The following ADAM9 variants were observed in gnomAD, a reference collection of about 807,000 sequenced individuals.
ADAM9 encodes disintegrin and metalloproteinase domain-containing protein 9.
A neutral mutation model predicts 108.1 loss-of-function variants in ADAM9; 54 were observed. The ratio of observed to expected loss-of-function variants is 0.50; its 90% confidence interval spans 0.40 to 0.63. The LOEUF is 0.63. Among genes scored for constraint, ADAM9 ranks in the 20% least tolerant of loss-of-function variants. The pLI is 0.00. For missense variants in ADAM9, 830 were observed against 997.7 expected (o/e 0.83, Z 2.26); for synonymous variants, 316 against 336.0 (o/e 0.94, Z 0.65).
At chr8:39,009,943 A>AAACAAC (rs370366463) in intron 2 of ADAM9, among the ~76,000 whole-genome samples, 79,786 of 105,920 alleles carry the variant, frequency 0.75, 30,639 homozygotes, top group East Asian at 0.94. Context: ...ACAAAAACAA[A>AAACAAC]AACAACAACA....
At chr8:39,101,513 C>G (rs1346487489) in intron 20 of ADAM9, among the ~76,000 whole-genome samples, 1 of 152,172 alleles carries the variant, frequency 6.6e-6, no homozygotes. Flanking sequence ...AGAGTAACAC[C>G]TTTGCTTTCT....
In ADAM9 at chr8:39,071,450, C is replaced by T. The variant is rs73602772; in HGVS notation, c.1697+47C>T. The stretch of plus-strand genomic sequence containing the variant: ...ATGGAATATGAAAGATTATAAGATC[C>T]GTCATCTCTAGTATCTTTTTTTTTT... On this transcript the variant is annotated intron_variant, in intron 15 of 21. Coordinates refer to ENST00000487273, the MANE Select transcript of ADAM9 (RefSeq NM_003816.3). 8.1e-4 allele frequency: 1,049 copies of T among 1,296,590 alleles called. 8 individuals carry two copies. The African/African-American group carries it at 0.014, about 17-fold the overall frequency. The allele number at this position is 1,296,590 out of a possible 1,614,324, so 80.3% of individuals were successfully genotyped here. A position where few individuals can be genotyped will look rare whatever the true frequency, so the allele number is the denominator to read the frequency against.
intron 1 of ADAM9, among the ~76,000 whole-genome samples, chr8:38,997,510 G>A (rs1835857703): frequency 6.6e-6 from 1 of 152,204 alleles, no homozygotes; most frequent in Non-Finnish European, 1.5e-5. Flanking sequence ...GCGGGCCGGA[G>A]CCCTGCAGGC....
At chr8:39,070,355 TC>T (rs1454271954) in intron 14 of ADAM9, among the ~76,000 whole-genome samples, 1 of 152,120 alleles carries the variant, frequency 6.6e-6, no homozygotes, top group East Asian at 1.9e-4. Context: ...TGGATAAATT[TC>T]CAGAAGCAGG....
chr8:39,078,362 C>A (rs201825634), intron 16 of ADAM9, among the ~76,000 whole-genome samples: 114 of 132,116 alleles, frequency 8.6e-4, no homozygotes, highest in East Asian at 1.7e-3. Flanking sequence ...GACTCTGTCT[C>A]AAAAAAAAAA....
intron 7 of ADAM9, 68 bp downstream of exon 7, chr8:39,018,986 A>G (rs1163564364): frequency 1.5e-6 from 2 of 1,350,490 alleles, no homozygotes; most frequent in Non-Finnish European, 1.1e-6. Flanking sequence ...TTAATGAAGG[A>G]AATCTAAACT....
chr8:39,056,452 T>C (rs1366764806), intron 14 of ADAM9, among the ~76,000 whole-genome samples: 1 of 152,152 alleles, frequency 6.6e-6, no homozygotes, highest in Non-Finnish European at 1.5e-5. Flanking sequence ...AATTTCTCAC[T>C]ATAGAAGATG....
intron 14 of ADAM9, among the ~76,000 whole-genome samples, chr8:39,060,238 A>C (rs779382261): frequency 1.3e-5 from 2 of 152,218 alleles, no homozygotes. Context: ...CCTGCACTGC[A>C]CCTGACCTAT....
chr8:39,103,726 G>A lies in ADAM9; in HGVS notation c.*26G>A. On this transcript the variant is annotated 3_prime_UTR_variant, in exon 22 of 22. Coordinates refer to ENST00000487273, the MANE Select transcript of ADAM9 (RefSeq NM_003816.3). ...TTTTTTTAACCTTCTTTTTGCAAATGTCTTCAGGGAACTGAGCTAATACTT... is the reference window on the plus strand; with the variant it reads ...TTTTTTTAACCTTCTTTTTGCAAATATCTTCAGGGAACTGAGCTAATACTT... 1 of 1,595,708 alleles carries A rather than the reference G, an allele frequency of 6.3e-7. No individual in the cohort carries two copies.
chr8:39,088,558 G>A (rs115068607), intron 18 of ADAM9, among the ~76,000 whole-genome samples: 6,241 of 152,062 alleles, frequency 0.041, 441 homozygotes, highest in African/African-American at 0.14. Flanking sequence ...CGCCCGGCCA[G>A]TTTTATACAA....
rs1315393112 is a variant in ADAM9 at position 39,104,871 on chromosome 8, AC to A, written c.*1173del. The A allele has an allele frequency of 6.8e-6, 3 of 442,280 alleles. No individual in the cohort carries two copies. The East Asian group carries it at 2.1e-4, about 31-fold the overall frequency. 27.4% of individuals were successfully genotyped at this position (442,280 alleles called of 1,614,324 possible). On this transcript the variant is annotated 3_prime_UTR_variant, in exon 22 of 22. Transcript: ENST00000487273. Reference sequence around the variant, plus strand: ...TTTAAGCACTAAAAATTTTTTCATAACCTTTCATAATAAAGTTTAATAATAG... The same window carrying A: ...TTTAAGCACTAAAAATTTTTTCATAACTTTCATAATAAAGTTTAATAATAG...
intron 20 of ADAM9, among the ~76,000 whole-genome samples, chr8:39,096,998 T>C (rs1201737415): frequency 2.6e-5 from 4 of 152,306 alleles, no homozygotes; most frequent in Admixed American, 1.3e-4. Context: ...TCTGTTTCCT[T>C]AGGGTCAGTT....
chr8:39,022,159 G>T (rs1406414678), intron 8 of ADAM9, among the ~76,000 whole-genome samples: 1 of 151,768 alleles, frequency 6.6e-6, no homozygotes, highest in Non-Finnish European at 1.5e-5. Context: ...AGTTCATCCG[G>T]TGGGAGATAT....
At chr8:39,058,699 A>G (rs908791757) in intron 14 of ADAM9, among the ~76,000 whole-genome samples, 1 of 152,150 alleles carries the variant, frequency 6.6e-6, no homozygotes, top group African/African-American at 2.4e-5. Context: ...CTTAATTTCT[A>G]GTTCAGTAGA....
intron 14 of ADAM9, among the ~76,000 whole-genome samples, chr8:39,068,675 C>CAAAAAAAAAAAAA (rs562274321): frequency 1.4e-4 from 6 of 42,010 alleles, no homozygotes; most frequent in Non-Finnish European, 2.8e-4. Context: ...AACTTCTCCT[C>CAAAAAAAAAAAAA]AAAAAAAAAA....
chr8:39,099,054 T>A (rs1465680182), intron 20 of ADAM9, among the ~76,000 whole-genome samples: 1 of 152,102 alleles, frequency 6.6e-6, no homozygotes, highest in Non-Finnish European at 1.5e-5. Flanking sequence ...ATGGAGACTA[T>A]TTTTTTAGTT....
At chr8:39,011,583 A>G (rs542829506) in intron 2 of ADAM9, 75 bp from the exon 3 acceptor site, 1 of 1,342,566 alleles carries the variant, frequency 7.4e-7, no homozygotes, top group African/African-American at 1.4e-5. Context: ...AATTTCCTGC[A>G]TCTTATAAAT....
At chr8:39,006,113 G>A (rs1836153103) in intron 1 of ADAM9, among the ~76,000 whole-genome samples, 2 of 152,180 alleles carry the variant, frequency 1.3e-5, no homozygotes, top group African/African-American at 2.4e-5. Context: ...AAGGTATGTG[G>A]CCAGTTTTCT....
At chr8:39,027,916 A>G (rs1488737714) in intron 11 of ADAM9, among the ~76,000 whole-genome samples, 2 of 152,092 alleles carry the variant, frequency 1.3e-5, no homozygotes, top group East Asian at 3.8e-4. Flanking sequence ...AAAAAAATAA[A>G]TAAATAAATA....
Sources: gnomAD v4.1 joint callset for allele counts (sites outside exome capture counted in the v4.1 genomes callset) on GRCh38, gnomAD v4.1.1 for gene constraint, MANE v1.5 for transcripts, NCBI Gene and HGNC (gene_info 2026-07-23, HGNC 2026-07-21) for gene names.